WDPCP: variants seen among roughly 807,000 people sequenced by gnomAD.
WDPCP encodes the protein WD repeat containing planar cell polarity effector, also known as WD repeat-containing and planar cell polarity effector protein fritz homolog.
Under a neutral mutation model 93.1 loss-of-function variants are expected in WDPCP, and 71 were observed. The observed-to-expected ratio is 0.76, with a 90% CI of 0.63 to 0.93. The LOEUF (loss-of-function observed/expected upper bound fraction) is 0.93. WDPCP is among the 40% of genes least tolerant of loss of function. WDPCP has a pLI of 0.00. For missense variants in WDPCP, 844 were observed against 887.4 expected (o/e 0.95, Z 0.62); for synonymous variants, 315 against 315.0 (o/e 1.00, Z 0.00).
At chr2:63,583,187 T>C (rs947648012) in intron 1 of WDPCP, among the ~76,000 whole-genome samples, 3 of 152,028 alleles carry the variant, frequency 2.0e-5, no homozygotes, top group Admixed American at 6.6e-5. Flanking sequence ...CACTTGAAAA[T>C]ACACTATGAT....
At chr2:63,550,765 A>G (rs1705565917) in intron 1 of WDPCP, among the ~76,000 whole-genome samples, 1 of 129,690 alleles carries the variant, frequency 7.7e-6, no homozygotes, top group East Asian at 2.4e-4. Context: ...ATATACACAT[A>G]TATATGTGCA....
chr2:63,444,212 G>A (rs1697692872), intron 6 of WDPCP, among the ~76,000 whole-genome samples: 1 of 152,142 alleles, frequency 6.6e-6, no homozygotes, highest in Non-Finnish European at 1.5e-5. Context: ...TTGGATACTT[G>A]AAAGATCAAG....
intron 3 of WDPCP, among the ~76,000 whole-genome samples, chr2:63,627,957 C>G (rs370691729): frequency 6.6e-6 from 1 of 152,156 alleles, no homozygotes; most frequent in African/African-American, 2.4e-5. Flanking sequence ...ACACTTGAGC[C>G]GTCCTCGGAC....
At chr2:63,697,166 G>C (rs550323345) in intron 2 of WDPCP, among the ~76,000 whole-genome samples, 1 of 152,120 alleles carries the variant, frequency 6.6e-6, no homozygotes, top group African/African-American at 2.4e-5. Context: ...AGTTGTAGTA[G>C]TGTGGGCCCC....
rs189133879 is a variant in WDPCP, at chr2:63,549,576, G to A, written c.75+38621C>T. On this transcript the variant is annotated intron_variant, in intron 1 of 17. Transcript: ENST00000272321. ...AAGGTCAGGAGTTCAAGACCAGCCT[G>A]GCCAAGATGGTGAAACCCCATCTCT... Among the ~76,000 whole-genome samples, 368 of 152,256 alleles carry A rather than the reference G, an allele frequency of 2.4e-3. 1 individual carries two copies. The highest frequency in any genetic ancestry group is 4.0e-3 in the Non-Finnish European group (274 of 68,024).
chr2:63,362,320 G>C (rs1690547654), intron 12 of WDPCP, among the ~76,000 whole-genome samples: 1 of 118,772 alleles, frequency 8.4e-6, no homozygotes. Flanking sequence ...AAGTGGGTGA[G>C]GGGAGGGGAA....
intron 2 of WDPCP, among the ~76,000 whole-genome samples, chr2:63,804,411 C>G (rs1003948444): frequency 2.0e-5 from 3 of 151,842 alleles, no homozygotes; most frequent in Admixed American, 6.6e-5. Flanking sequence ...GCCACCACAC[C>G]CGGCTAATTT....
At chr2:63,503,919 A>C (rs1701710646) in intron 1 of WDPCP, among the ~76,000 whole-genome samples, 1 of 151,906 alleles carries the variant, frequency 6.6e-6, no homozygotes, top group African/African-American at 2.4e-5. Context: ...AAAAAAAAAA[A>C]AACAGAAATC....
chr2:63,278,038 GAAAAACCT>G (rs1325790762), intron 13 of WDPCP, among the ~76,000 whole-genome samples: 2 of 152,020 alleles, frequency 1.3e-5, no homozygotes, highest in African/African-American at 2.4e-5. Flanking sequence ...CTAAATTTAA[GAAAAACCT>G]AAATTCTATC....
chr2:63,468,939 TACA>T (rs920324855), intron 6 of WDPCP, among the ~76,000 whole-genome samples: 6 of 151,940 alleles, frequency 3.9e-5, no homozygotes, highest in Admixed American at 6.6e-5. Flanking sequence ...CATTTTCCTT[TACA>T]ACATTAACCC....
intron 12 of WDPCP, among the ~76,000 whole-genome samples, chr2:63,344,306 A>G (rs142441528): frequency 9.3e-4 from 141 of 152,254 alleles, no homozygotes; most frequent in Non-Finnish European, 1.7e-3. Context: ...CCTAACAGAG[A>G]TGCCTTTAAA....
intron 1 of WDPCP, among the ~76,000 whole-genome samples, chr2:63,581,223 G>T (rs1333904671): frequency 6.6e-6 from 1 of 152,138 alleles, no homozygotes; most frequent in African/African-American, 2.4e-5. Context: ...TACAGTGCAA[G>T]GAAGGGGAAA....
chr2:63,473,164 C>T (rs916447697), intron 6 of WDPCP, among the ~76,000 whole-genome samples: 8 of 152,138 alleles, frequency 5.3e-5, no homozygotes, highest in African/African-American at 1.9e-4. Context: ...GCTACCTTTT[C>T]AGAGAGAACT....
chr2:63,587,708 C>A (rs1708960458), intron 1 of WDPCP, among the ~76,000 whole-genome samples: 1 of 152,192 alleles, frequency 6.6e-6, no homozygotes. Context: ...TAAAGAGAAC[C>A]TCTTAAGTTG....
At chr2:63,228,223 T>A (rs911763721) in intron 14 of WDPCP, among the ~76,000 whole-genome samples, 1 of 152,000 alleles carries the variant, frequency 6.6e-6, no homozygotes, top group African/African-American at 2.4e-5. Flanking sequence ...CAAGTCACAA[T>A]TGCTTAGGAA....
rs116688048 is a variant in WDPCP, at chr2:63,598,472, T to C, written n.488+52187A>G. On this transcript the variant is annotated intron_variant and non_coding_transcript_variant, in intron 3 of 4. Transcript: ENST00000467687. ...GAACTATCAATTAACTAGAACTTAA[T>C]TGTCACCCAGCAAATAGGCTTGCCG... Among the ~76,000 whole-genome samples the C allele has an allele frequency of 3.6e-3, 553 of 152,236 alleles. 4 individuals are homozygous for C. The highest frequency in any genetic ancestry group is 0.012 in the African/African-American group (514 of 41,544).
chr2:63,654,573 A>G (rs1230465592), intron 2 of WDPCP, among the ~76,000 whole-genome samples: 1 of 152,200 alleles, frequency 6.6e-6, no homozygotes, highest in Non-Finnish European at 1.5e-5. Flanking sequence ...CAAACTTTCC[A>G]CAATAAGGAA....
chr2:63,531,259 G>C (rs1703819914), intron 1 of WDPCP, among the ~76,000 whole-genome samples: 1 of 152,210 alleles, frequency 6.6e-6, no homozygotes, highest in African/African-American at 2.4e-5. Flanking sequence ...CCACCTCTGG[G>C]GGCAGGGGAT....
chr2:63,744,890 T>C (rs1669772319), intron 2 of WDPCP, among the ~76,000 whole-genome samples: 1 of 152,134 alleles, frequency 6.6e-6, no homozygotes, highest in South Asian at 2.1e-4. Context: ...TCATTAAATA[T>C]ATTCTTTCAG....
Sources: allele counts gnomAD v4.1 joint callset (sites outside exome capture counted in the v4.1 genomes callset), GRCh38; gene constraint gnomAD v4.1.1; transcripts MANE v1.5; gene names NCBI Gene and HGNC (gene_info 2026-07-23, HGNC 2026-07-21).